The following OSBPL8 variants were observed in gnomAD, a reference collection of about 807,000 sequenced individuals.
The protein encoded by OSBPL8 is oxysterol-binding protein-related protein 8.
A neutral mutation model predicts 125.5 loss-of-function variants in OSBPL8; 59 were observed. The ratio of observed to expected loss-of-function variants is 0.47; its 90% CI spans 0.38 to 0.58. The LOEUF (loss-of-function observed/expected upper bound fraction) is 0.58. Ranked by LOEUF, OSBPL8 falls within the 20% of genes least tolerant of loss-of-function variation. OSBPL8 has a pLI of 0.00. For missense variants in OSBPL8, 758 were observed against 1,047.8 expected (o/e 0.72, Z 3.82); for synonymous variants, 330 against 338.9 (o/e 0.97, Z 0.29).
intron 1 of OSBPL8, among the ~76,000 whole-genome samples, chr12:76,539,417 AAG>A (rs1173238114): frequency 1.3e-5 from 2 of 152,186 alleles, no homozygotes; most frequent in African/African-American, 4.8e-5. Flanking sequence ...GTTTAAGAAT[AAG>A]AGTGTACAAA....
intron 18 of OSBPL8, among the ~76,000 whole-genome samples, 177 bp downstream of exon 18, chr12:76,373,167 T>C (rs935324795): frequency 2.0e-5 from 3 of 152,174 alleles, no homozygotes; most frequent in Non-Finnish European, 4.4e-5. Flanking sequence ...AATAAAATAT[T>C]ACACAAAATT....
chr12:76,376,961 T>G (rs1952841638), intron 16 of OSBPL8, among the ~76,000 whole-genome samples: 1 of 152,184 alleles, frequency 6.6e-6, no homozygotes, highest in South Asian at 2.1e-4. Context: ...GTGTATGATG[T>G]TCCCCTCCCT....
At chr12:76,413,509 G>A (rs1018664029) in intron 4 of OSBPL8, among the ~76,000 whole-genome samples, 2 of 152,134 alleles carry the variant, frequency 1.3e-5, no homozygotes, top group Non-Finnish European at 2.9e-5. Context: ...TTTCTCTAAG[G>A]TTTAAATCTA....
At chr12:76,530,271 T>G (rs1360692594) in intron 1 of OSBPL8, among the ~76,000 whole-genome samples, 1 of 143,304 alleles carries the variant, frequency 7.0e-6, no homozygotes, top group Non-Finnish European at 1.5e-5. Flanking sequence ...TTGCCAAGGC[T>G]GGTTTTGAAC....
At chr12:76,434,508 T>A (rs1038456489) in intron 4 of OSBPL8, among the ~76,000 whole-genome samples, 1 of 152,114 alleles carries the variant, frequency 6.6e-6, no homozygotes, top group African/African-American at 2.4e-5. Flanking sequence ...TAAGACTATA[T>A]CAATCTAGAA....
intron 4 of OSBPL8, among the ~76,000 whole-genome samples, chr12:76,426,280 T>C (rs1870137172): frequency 6.6e-6 from 1 of 152,196 alleles, no homozygotes; most frequent in African/African-American, 2.4e-5. Context: ...GTTCTGTCTA[T>C]AAATATTCAC....
At chr12:76,540,187 T>C (rs1460415238) in intron 1 of OSBPL8, among the ~76,000 whole-genome samples, 1 of 152,132 alleles carries the variant, frequency 6.6e-6, no homozygotes. Context: ...TGGCATTCCT[T>C]AACAGCATTC....
At chr12:76,431,727 C>T (rs1870850751) in intron 4 of OSBPL8, among the ~76,000 whole-genome samples, 1 of 152,114 alleles carries the variant, frequency 6.6e-6, no homozygotes, top group African/African-American at 2.4e-5. Context: ...ATGCACCCAA[C>T]TTCAATGCAC....
chr12:76,461,691 C>G (rs914974712), intron 2 of OSBPL8, among the ~76,000 whole-genome samples: 7 of 152,090 alleles, frequency 4.6e-5, no homozygotes, highest in African/African-American at 1.7e-4. Context: ...TCCACCTCAG[C>G]CTCCCAAAGT....
intron 4 of OSBPL8, among the ~76,000 whole-genome samples, chr12:76,425,109 C>CA (rs1435135780): frequency 6.6e-6 from 1 of 151,998 alleles, no homozygotes; most frequent in African/African-American, 2.4e-5. Flanking sequence ...GGAAGCAGGC[C>CA]AAAAAATAAC....
chr12:76,394,748 AAAAT>A lies in OSBPL8; in HGVS notation c.673-23_673-20del, dbSNP rs745708616. The A allele has an allele frequency of 1.3e-6, 2 of 1,559,748 alleles. No homozygotes were observed. Among genetic ancestry groups the A allele is most frequent in the South Asian group, 2.3e-5 (2 of 88,484 alleles). On this transcript the variant is annotated intron_variant, in intron 8 of 23. Coordinates refer to ENST00000261183, the MANE Select transcript of OSBPL8 (RefSeq NM_020841.5). ...TTGGACCCTTAATAACAAAATAAAC[AAAAT>A]AAATGGTATAGAGTAATTATTATGA... is the stretch of plus-strand genomic sequence containing the variant.
chr12:76,369,468 T>C (rs1952540034), intron 20 of OSBPL8, among the ~76,000 whole-genome samples, 167 bp from the exon 21 acceptor site: 1 of 152,162 alleles, frequency 6.6e-6, no homozygotes, highest in African/African-American at 2.4e-5. Context: ...TAGGCTAACT[T>C]CTATCATAGA....
In OSBPL8 at chr12:76,369,582, A is replaced by G. The variant is rs913022384; in HGVS notation, c.2240+55T>C. 1.1e-5 allele frequency: 16 copies of G among 1,510,636 alleles called. No homozygotes were observed. In the Admixed American group the frequency reaches 1.9e-4, roughly 18 times the overall value. 93.6% of individuals were successfully genotyped at this position (1,510,636 alleles called of 1,614,324 possible). On this transcript the variant is annotated intron_variant, in intron 20 of 23. Transcript: ENST00000261183. ...CCAGCAACAAATATTCTAGAAATAA[A>G]GGCAACAAACCATGCTAATACATTG...
At chr12:76,545,404 G>A (rs919122077) in intron 1 of OSBPL8, among the ~76,000 whole-genome samples, 2 of 152,010 alleles carry the variant, frequency 1.3e-5, no homozygotes, top group African/African-American at 4.8e-5. Context: ...ATGATATCTG[G>A]TTATAATAAA....
intron 1 of OSBPL8, among the ~76,000 whole-genome samples, chr12:76,507,146 T>C (rs868077584): frequency 6.6e-6 from 1 of 151,870 alleles, no homozygotes; most frequent in East Asian, 1.9e-4. Context: ...CAATGTTCTC[T>C]CTATTGTTCC....
chr12:76,378,350 G>T (rs1592557862), intron 16 of OSBPL8, 102 bp downstream of exon 16: 3 of 779,132 alleles, frequency 3.9e-6, no homozygotes, highest in Non-Finnish European at 6.1e-6. Flanking sequence ...CAAACAAAAT[G>T]TAAGTCTGAC....
At position 76,452,031 on chromosome 12, in the gene OSBPL8, C is replaced by T. The variant is rs137910298; in HGVS notation, c.80-1043G>A. On this transcript the variant is annotated intron_variant, in intron 3 of 23. Transcript: ENST00000261183. The stretch of plus-strand genomic sequence containing the variant: ...ACTAGGGAGGCTGAGGCAGGAGAAT[C>T]GCTTGAACCTGGGGGGCAGAGGTTG... Among the ~76,000 whole-genome samples, 810 of 151,962 alleles carry T rather than the reference C, an allele frequency of 5.3e-3. 7 individuals carry two copies. The highest frequency in any genetic ancestry group is 0.019 in the African/African-American group (779 of 41,364).
At chr12:76,520,128 A>G (rs1881930294) in intron 1 of OSBPL8, among the ~76,000 whole-genome samples, 1 of 152,224 alleles carries the variant, frequency 6.6e-6, no homozygotes, top group Admixed American at 6.5e-5. Flanking sequence ...ATGGTAACTT[A>G]ATTGTTTTGA....
At chr12:76,470,516 T>A (rs563041892) in intron 2 of OSBPL8, among the ~76,000 whole-genome samples, 2 of 152,348 alleles carry the variant, frequency 1.3e-5, no homozygotes, top group South Asian at 4.1e-4. Context: ...AATAAAAGCA[T>A]CTTACTTGAA....
Sources: allele counts gnomAD v4.1 joint callset (sites outside exome capture counted in the v4.1 genomes callset), GRCh38; gene constraint gnomAD v4.1.1; transcripts MANE v1.5; gene names NCBI Gene and HGNC (gene_info 2026-07-23, HGNC 2026-07-21).